SLC24A2: variants seen among roughly 807,000 people sequenced by gnomAD.
The protein encoded by SLC24A2 is sodium/potassium/calcium exchanger 2.
Under a neutral mutation model 62.0 loss-of-function variants are expected in SLC24A2, and 36 were observed. The ratio of observed to expected loss-of-function variants is 0.58; its 90% CI spans 0.44 to 0.77. The LOEUF (loss-of-function observed/expected upper bound fraction) is 0.77, where lower values mean the gene tolerates loss of function less well. Ranked by LOEUF, SLC24A2 falls within the 30% of genes least tolerant of loss-of-function variation. The pLI is 0.00. For missense variants in SLC24A2, 846 were observed against 817.9 expected, an observed-to-expected ratio of 1.03 and a Z score of -0.42; for synonymous variants, 358 against 294.0, an observed-to-expected ratio of 1.22 and a Z score of -2.23.
the SLC24A2 span, among the ~76,000 whole-genome samples, chr9:20,141,736 C>T: frequency 6.6e-6 from 1 of 151,954 alleles, no homozygotes; most frequent in Admixed American, 6.6e-5. Context: ...TCAAGCCCTT[C>T]CATCACCCCA....
chr9:19,740,580 G>T (rs977987817), intron 2 of SLC24A2, among the ~76,000 whole-genome samples: 2 of 152,156 alleles, frequency 1.3e-5, no homozygotes, highest in African/African-American at 4.8e-5. Flanking sequence ...ACTACAGAGG[G>T]GGCTCTGGGT....
At chr9:19,897,993 T>C in the SLC24A2 span, among the ~76,000 whole-genome samples, 1 of 152,214 alleles carries the variant, frequency 6.6e-6, no homozygotes, top group African/African-American at 2.4e-5. Context: ...ATTACACATC[T>C]TGGAAATCAT....
chr9:19,881,136 A>T, the SLC24A2 span, among the ~76,000 whole-genome samples: 1 of 152,214 alleles, frequency 6.6e-6, no homozygotes, highest in Admixed American at 6.5e-5. Context: ...TTATTATCAC[A>T]TAAGTATAGT....
chr9:20,194,367 G>C, the SLC24A2 span, among the ~76,000 whole-genome samples: 1 of 152,048 alleles, frequency 6.6e-6, no homozygotes, highest in Admixed American at 6.6e-5. Flanking sequence ...CCCGATTCCA[G>C]ATCCTTTGGT....
At chr9:19,912,397 G>C in the SLC24A2 span, among the ~76,000 whole-genome samples, 2 of 152,074 alleles carry the variant, frequency 1.3e-5, no homozygotes, top group East Asian at 3.9e-4. Context: ...TATCCCATTG[G>C]CAGGGATTTA....
chr9:20,171,990 G>A, the SLC24A2 span, among the ~76,000 whole-genome samples: 1 of 151,902 alleles, frequency 6.6e-6, no homozygotes, highest in Non-Finnish European at 1.5e-5. Flanking sequence ...ATAAATTTAA[G>A]AAAATTGAAA....
the SLC24A2 span, among the ~76,000 whole-genome samples, chr9:20,094,698 TA>T: frequency 6.6e-6 from 1 of 152,172 alleles, no homozygotes; most frequent in Non-Finnish European, 1.5e-5. Flanking sequence ...AAAAGTGAAA[TA>T]AAAATTTTAT....
intron 5 of SLC24A2, among the ~76,000 whole-genome samples, chr9:19,591,150 A>G (rs1166043957): frequency 1.3e-5 from 2 of 152,154 alleles, no homozygotes; most frequent in Non-Finnish European, 2.9e-5. Context: ...CTTTTAAATA[A>G]CACGCATATT....
chr9:20,158,533 C>T, the SLC24A2 span, among the ~76,000 whole-genome samples: 1 of 151,598 alleles, frequency 6.6e-6, no homozygotes, highest in African/African-American at 2.4e-5. Context: ...TGCAACTTCC[C>T]AGGATCTTGA....
At chr9:20,067,714 T>C in the SLC24A2 span, among the ~76,000 whole-genome samples, 2 of 152,278 alleles carry the variant, frequency 1.3e-5, no homozygotes, top group South Asian at 2.1e-4. Context: ...AAGGACATCA[T>C]TACATTCCTT....
the SLC24A2 span, among the ~76,000 whole-genome samples, chr9:20,250,865 G>A: frequency 6.6e-6 from 1 of 152,150 alleles, no homozygotes; most frequent in Non-Finnish European, 1.5e-5. Context: ...TATAAACCAA[G>A]TCTAGTGATC....
intron 8 of SLC24A2, 83 bp from the exon 9 acceptor site, chr9:19,528,221 G>T: frequency 1.1e-6 from 1 of 913,470 alleles, no homozygotes; most frequent in Non-Finnish European, 1.8e-6. Flanking sequence ...AGCCACCATT[G>T]TAGCAATTTC....
intron 5 of SLC24A2, among the ~76,000 whole-genome samples, chr9:19,594,264 A>G (rs1441765464): frequency 6.6e-6 from 1 of 151,836 alleles, no homozygotes; most frequent in Non-Finnish European, 1.5e-5. Context: ...CAGTCTGTAA[A>G]TTCCATGGGG....
the SLC24A2 span, among the ~76,000 whole-genome samples, chr9:20,027,833 T>C: frequency 2.6e-5 from 4 of 152,232 alleles, no homozygotes; most frequent in African/African-American, 7.2e-5. Flanking sequence ...TATTTGTTGA[T>C]TGGTTTGATA....
At chr9:19,522,190 G>A (rs1333632712) in intron 9 of SLC24A2, among the ~76,000 whole-genome samples, 1 of 151,914 alleles carries the variant, frequency 6.6e-6, no homozygotes, top group African/African-American at 2.4e-5. Flanking sequence ...TTTTAGAGAT[G>A]GTTCTTACTA....
chr9:19,665,086 G>A (rs1260470178), intron 2 of SLC24A2, among the ~76,000 whole-genome samples: 1 of 152,178 alleles, frequency 6.6e-6, no homozygotes, highest in Non-Finnish European at 1.5e-5. Context: ...TGTTGATACT[G>A]CAGGCCCTCA....
At chr9:20,183,394 C>A in the SLC24A2 span, among the ~76,000 whole-genome samples, 14,212 of 152,236 alleles carry the variant, frequency 0.093, 1,006 homozygotes, top group Non-Finnish European at 0.15. Context: ...CTGCTTTCTA[C>A]AGAAACACAG....
the SLC24A2 span, among the ~76,000 whole-genome samples, chr9:19,947,831 A>AGAAAGAAAGAAAGAAAGAAAGAAC: frequency 6.6e-6 from 1 of 150,964 alleles, no homozygotes; most frequent in African/African-American, 2.4e-5. Context: ...AAAGAAAGAA[A>AGAAAGAAAGAAAGAAAGAAAGAAC]GAAAGAAAGA....
the SLC24A2 span, among the ~76,000 whole-genome samples, chr9:20,008,348 C>A: frequency 1.3e-5 from 2 of 152,152 alleles, no homozygotes; most frequent in Non-Finnish European, 2.9e-5. Context: ...TGTCTTTGGA[C>A]TCACTCTGTC....
Sources: gnomAD v4.1 joint callset for allele counts (sites outside exome capture counted in the v4.1 genomes callset) on GRCh38, gnomAD v4.1.1 for gene constraint, MANE v1.5 for transcripts, NCBI Gene and HGNC (gene_info 2026-07-23, HGNC 2026-07-21) for gene names.